Variants in NRXN3 observed in about 807,000 individuals in gnomAD.
NRXN3 encodes the protein neurexin 3, also known as neurexin III.
In NRXN3, 32 loss-of-function variants were observed where a neutral mutation model predicts 137.6. That is an observed-to-expected ratio of 0.23 (90% CI 0.18 to 0.31). NRXN3 has a LOEUF of 0.31. Ranked by LOEUF, NRXN3 falls within the 10% of genes least tolerant of loss-of-function variation. The probability of loss-of-function intolerance (pLI) is 1.00; values close to 1 mark genes in which losing one functional copy is unlikely to be tolerated. For synonymous variants in NRXN3, 798 were observed against 784.5 expected, an observed-to-expected ratio of 1.02 and a Z score of -0.29; for missense variants, 1,574 against 2,062.5, an observed-to-expected ratio of 0.76 and a Z score of 4.59.
chr14:79,326,906 C>T (rs145763871), intron 15 of NRXN3, among the ~76,000 whole-genome samples: 1,611 of 152,274 alleles, frequency 0.011, 32 homozygotes, highest in African/African-American at 0.037. Context: ...ACTGTACCTG[C>T]TCCTGATGCC....
intron 15 of NRXN3, among the ~76,000 whole-genome samples, chr14:79,423,393 C>T (rs534615262): frequency 6.6e-6 from 1 of 152,166 alleles, no homozygotes; most frequent in Non-Finnish European, 1.5e-5. Flanking sequence ...GGGTATACAT[C>T]TGATCACTGC....
At chr14:79,550,817 A>G (rs2097366125) in intron 16 of NRXN3, among the ~76,000 whole-genome samples, 1 of 152,212 alleles carries the variant, frequency 6.6e-6, no homozygotes, top group Non-Finnish European at 1.5e-5. Flanking sequence ...ACACTAAAAC[A>G]AGGAGTAATC....
chr14:78,363,446 A>G (rs1461626101), intron 4 of NRXN3, among the ~76,000 whole-genome samples: 1 of 152,222 alleles, frequency 6.6e-6, no homozygotes, highest in African/African-American at 2.4e-5. Context: ...TATCAGGTAT[A>G]GCTGCTGTTT....
intron 10 of NRXN3, among the ~76,000 whole-genome samples, chr14:78,920,070 T>A (rs991384061): frequency 6.6e-6 from 1 of 152,232 alleles, no homozygotes; most frequent in Non-Finnish European, 1.5e-5. Context: ...GTGGCAACAA[T>A]CAGCATGTCT....
At chr14:79,821,668 C>CTT (rs5809961) in intron 20 of NRXN3, among the ~76,000 whole-genome samples, 14,460 of 121,368 alleles carry the variant, frequency 0.12, 1,117 homozygotes, top group African/African-American at 0.13. Context: ...AAGCTAAGAC[C>CTT]TTTTTTTTTT....
rs567731852 is a variant in NRXN3 at position 79,558,730 on chromosome 14, A to C, written c.3444+91328A>C. Among the ~76,000 whole-genome samples, 4 of 152,256 alleles carry C rather than the reference A, an allele frequency of 2.6e-5. No individual in the cohort carries two copies. The South Asian group carries it at 8.3e-4, about 32-fold the overall frequency. On this transcript the variant is annotated intron_variant, in intron 16 of 20. Coordinates refer to ENST00000335750, the MANE Select transcript of NRXN3 (RefSeq NM_001330195.2). The stretch of plus-strand genomic sequence containing the variant: ...AGGATTTTGGGAATGGCAAATGAGC[A>C]TTGACTTCAACTTAATCACCAACTG...
chr14:78,416,560 T>C (rs2093149361), intron 4 of NRXN3, among the ~76,000 whole-genome samples: 2 of 152,212 alleles, frequency 1.3e-5, no homozygotes. Flanking sequence ...AATCAAATAG[T>C]CATCTAAGTC....
At chr14:78,524,337 C>A (rs1181019633) in intron 4 of NRXN3, among the ~76,000 whole-genome samples, 1 of 152,216 alleles carries the variant, frequency 6.6e-6, no homozygotes, top group African/African-American at 2.4e-5. Context: ...AGTGCTATAT[C>A]TGTGCATTTT....
chr14:78,456,799 C>CTCTCTCTTTCTTTCTTTCTT (rs1555539840), intron 4 of NRXN3, among the ~76,000 whole-genome samples: 30 of 97,690 alleles, frequency 3.1e-4, no homozygotes, highest in South Asian at 3.0e-3. Flanking sequence ...CTCTCTTTCT[C>CTCTCTCTTTCTTTCTTTCTT]TCTTTCTTTC....
At chr14:79,118,816 C>T (rs2054919949) in intron 15 of NRXN3, among the ~76,000 whole-genome samples, 1 of 152,134 alleles carries the variant, frequency 6.6e-6, no homozygotes, top group African/African-American at 2.4e-5. Context: ...TATATCTGGG[C>T]TGCAGTATCC....
intron 15 of NRXN3, among the ~76,000 whole-genome samples, chr14:79,452,664 A>G (rs2096195462): frequency 6.6e-6 from 1 of 152,220 alleles, no homozygotes; most frequent in South Asian, 2.1e-4. Flanking sequence ...TTTCTGGGGA[A>G]TAGGCACACT....
chr14:79,250,202 A>T (rs80102287), intron 15 of NRXN3, among the ~76,000 whole-genome samples: 7,388 of 152,266 alleles, frequency 0.049, 478 homozygotes, highest in African/African-American at 0.14. Context: ...AAAAAGTCAG[A>T]ACTAAGTAAA....
At chr14:78,732,332 T>G (rs1355047976) in intron 8 of NRXN3, among the ~76,000 whole-genome samples, 6 of 152,166 alleles carry the variant, frequency 3.9e-5, no homozygotes, top group Non-Finnish European at 7.4e-5. Context: ...GGTATATAAT[T>G]CAGAAACAGG....
intron 6 of NRXN3, among the ~76,000 whole-genome samples, chr14:78,665,142 G>C (rs2097872494): frequency 6.6e-6 from 1 of 152,176 alleles, no homozygotes. Flanking sequence ...AGATAATTCA[G>C]ATACTTTCAG....
chr14:78,207,186 G>A (rs2062281115), intron 1 of NRXN3, among the ~76,000 whole-genome samples: 1 of 151,850 alleles, frequency 6.6e-6, no homozygotes, highest in Non-Finnish European at 1.5e-5. Context: ...ACTTTCTAAG[G>A]AATATTACCT....
chr14:78,703,210 C>T (rs1314517279), intron 6 of NRXN3, among the ~76,000 whole-genome samples: 2 of 152,184 alleles, frequency 1.3e-5, no homozygotes, highest in Non-Finnish European at 2.9e-5. Context: ...ATTGAAAAGA[C>T]AAGACTTGTG....
intron 4 of NRXN3, among the ~76,000 whole-genome samples, chr14:78,519,964 G>A (rs2096263763): frequency 6.6e-6 from 1 of 152,186 alleles, no homozygotes; most frequent in African/African-American, 2.4e-5. Context: ...ATTGAATTAA[G>A]TCAACCAAAG....
intron 10 of NRXN3, among the ~76,000 whole-genome samples, chr14:78,823,036 C>G (rs2098955709): frequency 6.6e-6 from 1 of 152,130 alleles, no homozygotes; most frequent in Admixed American, 6.5e-5. Flanking sequence ...CTTGCCATAA[C>G]CAGTCTCGAA....
chr14:79,249,831 C>G (rs1399136882), intron 15 of NRXN3, among the ~76,000 whole-genome samples: 1 of 152,112 alleles, frequency 6.6e-6, no homozygotes, highest in East Asian at 1.9e-4. Flanking sequence ...AATATCTAAC[C>G]CAGTGTACCT....
Sources: gnomAD v4.1 joint callset for allele counts (sites outside exome capture counted in the v4.1 genomes callset) on GRCh38, gnomAD v4.1.1 for gene constraint, MANE v1.5 for transcripts, NCBI Gene and HGNC (gene_info 2026-07-23, HGNC 2026-07-21) for gene names.